The following IFT43 variants were observed in gnomAD, a reference collection of about 807,000 sequenced individuals.
The protein encoded by IFT43 is intraflagellar transport 43, also known as intraflagellar transport protein 43 homolog.
In IFT43, 33 loss-of-function variants were observed where a neutral mutation model predicts 32.3. The observed-to-expected ratio is 1.02, with a 90% CI of 0.77 to 1.37. The LOEUF (loss-of-function observed/expected upper bound fraction) is 1.37. Ranked by LOEUF, IFT43 falls within the 40% of genes most tolerant of loss-of-function variation. The pLI is 0.00. For missense variants in IFT43, 274 were observed against 265.9 expected (o/e 1.03, Z -0.21); for synonymous variants, 93 against 98.2 (o/e 0.95, Z 0.31).
intron 2 of IFT43, among the ~76,000 whole-genome samples, chr14:76,000,286 A>G (rs1156429445): frequency 8.5e-6 from 1 of 117,102 alleles, no homozygotes; most frequent in Non-Finnish European, 1.7e-5. Context: ...TTTTTTTGAG[A>G]TATAGTCTTG....
chr14:76,082,800 T>C, intron 7 of IFT43, 108 bp downstream of exon 7: 1 of 842,912 alleles, frequency 1.2e-6, no homozygotes, highest in Non-Finnish European at 2.1e-6. Context: ...ACCAGTCCCC[T>C]GAGGCTGCCT....
chr14:76,074,228 A>T (rs1255290543), intron 5 of IFT43, among the ~76,000 whole-genome samples: 1 of 152,296 alleles, frequency 6.6e-6, no homozygotes, highest in East Asian at 1.9e-4. Context: ...TGTCACATTA[A>T]TACCAGATCA....
intron 2 of IFT43, among the ~76,000 whole-genome samples, chr14:76,007,705 T>C (rs537045972): frequency 2.2e-4 from 34 of 152,256 alleles, no homozygotes; most frequent in African/African-American, 7.9e-4. Flanking sequence ...ATGACAGAAA[T>C]GTATAGGTTT....
At chr14:76,077,623 A>G (rs2037434510) in intron 5 of IFT43, among the ~76,000 whole-genome samples, 1 of 152,146 alleles carries the variant, frequency 6.6e-6, no homozygotes. Flanking sequence ...ATAAAGTATT[A>G]TGGAAGGATA....
rs760890438 is a variant in IFT43 at position 76,083,254 on chromosome 14, A to T, written c.472A>T (p.Thr158Ser). The change falls in exon 8 of 9, where the codon ACC (threonine) becomes TCC (serine). Residue 158 changes from threonine to serine, a missense_variant. Thr to Ser is a moderately conservative substitution (Grantham distance 58, BLOSUM62 1). Coordinates refer to ENST00000314067, the MANE Select transcript of IFT43 (RefSeq NM_001102564.3). Reference protein sequence around the residue: ...LDGEIDLKLLTKVLAPEHEVR... With the variant: ...LDGEIDLKLLSKVLAPEHEVR... ...TGGGGAGATCGACCTGAAACTCCTC[A>T]CCAAAGTGCTCGCGCCGGAGCACGA... is the stretch of plus-strand genomic sequence containing the variant. 6.2e-7 allele frequency: 1 copy of T among 1,614,016 alleles called. No homozygotes were observed. Among genetic ancestry groups the T allele is most frequent in the South Asian group, 1.1e-5 (1 of 91,066 alleles).
At chr14:76,010,905 T>C (rs1238963275) in intron 2 of IFT43, among the ~76,000 whole-genome samples, 2 of 141,672 alleles carry the variant, frequency 1.4e-5, no homozygotes, top group East Asian at 2.0e-4. Flanking sequence ...TCACTTCTCC[T>C]TTTTTTTTTT....
chr14:76,055,526 C>G (rs1425145637), intron 3 of IFT43, among the ~76,000 whole-genome samples: 1 of 151,966 alleles, frequency 6.6e-6, no homozygotes, highest in Non-Finnish European at 1.5e-5. Flanking sequence ...GAAAGGAAAG[C>G]TGGTGGTGCG....
intron 3 of IFT43, among the ~76,000 whole-genome samples, chr14:76,034,240 A>G (rs2036558633): frequency 6.6e-6 from 1 of 152,130 alleles, no homozygotes; most frequent in African/African-American, 2.4e-5. Context: ...TCAGGGTGCC[A>G]TTGTGGTTGG....
rs925008082 is a variant in IFT43, at chr14:76,027,639, G to A, written c.215+5245G>A. 1.3e-4 allele frequency among the ~76,000 whole-genome samples: 19 copies of A among 150,838 alleles called. 1 individual carries two copies. The highest frequency in any genetic ancestry group is 2.4e-4 in the Non-Finnish European group (16 of 67,904). ...CAGGAGAATGGTGTGAACCCGGGAA[G>A]TGGAGCTTGCAGTGAGCCGAGATTG... On this transcript the variant is annotated intron_variant, in intron 3 of 8. Coordinates refer to ENST00000314067, the MANE Select transcript of IFT43 (RefSeq NM_001102564.3).
intron 3 of IFT43, among the ~76,000 whole-genome samples, chr14:76,037,635 A>T (rs2036625481): frequency 6.6e-6 from 1 of 151,726 alleles, no homozygotes; most frequent in Admixed American, 6.6e-5. Flanking sequence ...GCACACTTTT[A>T]CCTTGAACAA....
At chr14:76,009,654 A>G (rs2036043078) in intron 2 of IFT43, among the ~76,000 whole-genome samples, 1 of 152,192 alleles carries the variant, frequency 6.6e-6, no homozygotes. Context: ...TCAATTTGCC[A>G]CAATTCATAC....
intron 2 of IFT43, among the ~76,000 whole-genome samples, chr14:76,011,582 GC>G (rs1408494678): frequency 2.6e-5 from 4 of 152,200 alleles, no homozygotes; most frequent in Non-Finnish European, 5.9e-5. Context: ...CTGTGAAAAT[GC>G]CCAGTTGCCC....
intron 5 of IFT43, among the ~76,000 whole-genome samples, chr14:76,064,469 G>A (rs2037194258): frequency 6.6e-6 from 1 of 152,194 alleles, no homozygotes; most frequent in African/African-American, 2.4e-5. Flanking sequence ...TGAGCAAAGT[G>A]GGTAGGCGGT....
At chr14:76,003,988 C>G (rs868316099) in intron 2 of IFT43, among the ~76,000 whole-genome samples, 2 of 152,154 alleles carry the variant, frequency 1.3e-5, no homozygotes, top group Non-Finnish European at 2.9e-5. Context: ...GTTGGCCAGG[C>G]TGGTCTCAAA....
intron 2 of IFT43, among the ~76,000 whole-genome samples, chr14:75,997,557 G>T (rs1326704779): frequency 2.6e-5 from 4 of 152,148 alleles, no homozygotes; most frequent in Non-Finnish European, 5.9e-5. Flanking sequence ...GTTGGAATTT[G>T]GTTTGACTCC....
intron 3 of IFT43, among the ~76,000 whole-genome samples, chr14:76,049,445 A>T (rs1199034382): frequency 9.3e-6 from 1 of 107,278 alleles, no homozygotes; most frequent in Non-Finnish European, 1.9e-5. Context: ...TGTAGTTTTT[A>T]AAAAGCTGTG....
chr14:76,028,645 G>C (rs919437738), intron 3 of IFT43, among the ~76,000 whole-genome samples: 1 of 152,034 alleles, frequency 6.6e-6, no homozygotes, highest in African/African-American at 2.4e-5. Context: ...ATTGTCTGTT[G>C]TTCCCTCCTC....
At position 76,016,749 on chromosome 14, in the gene IFT43, G is replaced by GT. The variant is rs545226899; in HGVS notation, c.148-5576dup. Among the ~76,000 whole-genome samples, 271 of 152,146 alleles carry GT rather than the reference G, an allele frequency of 1.8e-3. 2 individuals carry two copies. The highest frequency in any genetic ancestry group is 6.3e-3 in the African/African-American group (261 of 41,536). Reference sequence around the variant, plus strand: ...CTTTCGTTAGTGTTCTGTAATTTTCGTTGTAGAAGTCTTTCACCTTCTTGG... The same window carrying GT: ...CTTTCGTTAGTGTTCTGTAATTTTCGTTTGTAGAAGTCTTTCACCTTCTTGG... On this transcript the variant is annotated intron_variant, in intron 2 of 8. Transcript: ENST00000314067.
chr14:76,076,205 G>C (rs2037409809), intron 5 of IFT43, among the ~76,000 whole-genome samples: 1 of 152,224 alleles, frequency 6.6e-6, no homozygotes, highest in Non-Finnish European at 1.5e-5. Context: ...CTGAGTAAAT[G>C]GAGTGGGGTG....
Sources: allele counts gnomAD v4.1 joint callset (sites outside exome capture counted in the v4.1 genomes callset), GRCh38; gene constraint gnomAD v4.1.1; transcripts MANE v1.5; gene names NCBI Gene and HGNC (gene_info 2026-07-23, HGNC 2026-07-21).